Variants in PDZD2 observed in about 807,000 individuals in gnomAD.
The protein encoded by PDZD2 is PDZ domain containing 2.
A neutral mutation model predicts 220.7 loss-of-function variants in PDZD2; 90 were observed. That is an observed-to-expected ratio of 0.41 (90% CI 0.34 to 0.49). The LOEUF (loss-of-function observed/expected upper bound fraction) is 0.49. Ranked by LOEUF, PDZD2 falls within the 20% of genes least tolerant of loss-of-function variation. PDZD2 has a pLI of 0.28. For missense variants in PDZD2, 3,174 were observed against 3,608.5 expected (o/e 0.88, Z 3.08); for synonymous variants, 1,375 against 1,450.5 (o/e 0.95, Z 1.18).
At chr5:32,020,117 G>A (rs980067847) in intron 6 of PDZD2, among the ~76,000 whole-genome samples, 2 of 150,840 alleles carry the variant, frequency 1.3e-5, no homozygotes, top group African/African-American at 4.9e-5. Flanking sequence ...ACCCAGACTG[G>A]AGTACAGTGG....
chr5:31,840,392 T>C (rs1757194177), intron 2 of PDZD2: 1 of 121,776 alleles, frequency 8.2e-6, no homozygotes, highest in Non-Finnish European at 1.7e-5. Context: ...AGTAGTCATT[T>C]TCATTATATA....
intron 2 of PDZD2, among the ~76,000 whole-genome samples, chr5:31,849,972 A>AC (rs1757884471): frequency 2.9e-5 from 1 of 34,920 alleles, no homozygotes; most frequent in South Asian, 8.5e-4. Context: ...ACACATATAT[A>AC]TATATACATA....
chr5:32,069,785 C>A, intron 15 of PDZD2, 135 bp downstream of exon 15: 2 of 611,228 alleles, frequency 3.3e-6, no homozygotes, highest in South Asian at 2.0e-5. Flanking sequence ...CAAAGACAGT[C>A]TATGCTTTCT....
rs146790239 is a variant in PDZD2, at chr5:31,799,527, C to T, written c.279C>T (p.Phe93=). The T allele has an allele frequency of 7.9e-5, 128 of 1,613,934 alleles. No individual in the cohort carries two copies. The highest frequency in any genetic ancestry group is 3.1e-4 in the East Asian group (14 of 44,886). Residue 93 remains phenylalanine (F), a synonymous_variant, in exon 2 of 25, where the codon TTC becomes TTT. Transcript: ENST00000438447. ...TGAGTTTTGGGAACATCCCTGTTTT[C>T]GGGGACTATGGTGAAAAGCGCAGGG... ...VGLSFGNIPV[F]GDYGEKRRGG...
intron 2 of PDZD2, among the ~76,000 whole-genome samples, chr5:31,981,869 A>T (rs1473643133): frequency 6.6e-6 from 1 of 152,050 alleles, no homozygotes; most frequent in East Asian, 1.9e-4. Context: ...AGCTTTGATG[A>T]TCCGGTCCCG....
At chr5:31,818,145 G>A (rs906781526) in intron 2 of PDZD2, among the ~76,000 whole-genome samples, 10 of 149,952 alleles carry the variant, frequency 6.7e-5, no homozygotes, top group African/African-American at 2.5e-5. Context: ...AATGTTTTGT[G>A]TTTTTTTTTA....
intron 2 of PDZD2, among the ~76,000 whole-genome samples, chr5:31,880,846 G>A (rs568352616): frequency 8.5e-6 from 1 of 117,888 alleles, no homozygotes; most frequent in Admixed American, 1.2e-4. Context: ...TTGTCACCCA[G>A]GCTGGAGTGC....
In PDZD2 at chr5:32,089,688, C is replaced by T. The variant is rs1238061166; in HGVS notation, c.6240C>T (p.Ala2080=). The change falls in exon 20 of 25, where the codon GCC becomes GCT. Residue 2080 remains alanine (A), a synonymous_variant. Coordinates refer to ENST00000438447, the MANE Select transcript of PDZD2 (RefSeq NM_178140.4). ...GCGAAAAAGGAGGCAACATAATGGC[C>T]AGCGATCGCCTCGAAAGAACAAACC... is the stretch of plus-strand genomic sequence containing the variant. ...PTGEKGGNIM[A]SDRLERTNQL... is the part of the protein sequence containing the mutation. 8 of 1,614,080 alleles carry T rather than the reference C, an allele frequency of 5.0e-6. No homozygotes were observed. Among genetic ancestry groups the T allele is most frequent in the Non-Finnish European group, 6.8e-6 (8 of 1,180,042 alleles).
chr5:31,898,808 C>T (rs368277202), intron 2 of PDZD2, among the ~76,000 whole-genome samples: 9 of 123,462 alleles, frequency 7.3e-5, no homozygotes, highest in Non-Finnish European at 1.2e-4. Context: ...AGCCTCTCTT[C>T]TTTTTTTTTT....
chr5:31,672,417 G>A (rs879666757), intron 1 of PDZD2, among the ~76,000 whole-genome samples: 4 of 152,176 alleles, frequency 2.6e-5, no homozygotes, highest in Non-Finnish European at 5.9e-5. Context: ...GCCAGTGTGG[G>A]ATTTGGCCAG....
At chr5:32,044,796 G>A (rs1195854349) in intron 7 of PDZD2, among the ~76,000 whole-genome samples, 2 of 152,186 alleles carry the variant, frequency 1.3e-5, no homozygotes, top group Non-Finnish European at 2.9e-5. Context: ...GAAGAGGACA[G>A]ATCTCTCCTT....
chr5:31,792,013 C>A (rs1201913987), intron 1 of PDZD2, among the ~76,000 whole-genome samples: 1 of 152,206 alleles, frequency 6.6e-6, no homozygotes, highest in East Asian at 1.9e-4. Context: ...TGTAACCCTA[C>A]CCAACAATTT....
At chr5:32,060,698 C>T (rs917706708) in intron 13 of PDZD2, among the ~76,000 whole-genome samples, 4 of 150,474 alleles carry the variant, frequency 2.7e-5, no homozygotes, top group Admixed American at 6.6e-5. Flanking sequence ...TTGTACAGTG[C>T]CTGGCATATA....
chr5:31,648,663 A>AT (rs539510883), intron 1 of PDZD2, among the ~76,000 whole-genome samples: 2 of 150,064 alleles, frequency 1.3e-5, no homozygotes, highest in South Asian at 2.1e-4. Flanking sequence ...GGGGTCTTTT[A>AT]TTTTTTTAAG....
At chr5:31,941,687 T>C (rs772459820) in intron 2 of PDZD2, among the ~76,000 whole-genome samples, 22 of 152,340 alleles carry the variant, frequency 1.4e-4, no homozygotes, top group Non-Finnish European at 2.8e-4. Context: ...ATCCAAACTT[T>C]GTGTGATGAA....
At chr5:31,931,968 C>T (rs1417396865) in intron 2 of PDZD2, among the ~76,000 whole-genome samples, 1 of 152,076 alleles carries the variant, frequency 6.6e-6, no homozygotes, top group Non-Finnish European at 1.5e-5. Flanking sequence ...GGAGCTGCCT[C>T]CCCAAATTTG....
At chr5:31,903,150 CGGGCGTGGTACTGCATGCCTGTAA>C (rs1477021177) in intron 2 of PDZD2, among the ~76,000 whole-genome samples, 1 of 151,632 alleles carries the variant, frequency 6.6e-6, no homozygotes, top group Non-Finnish European at 1.5e-5. Flanking sequence ...AAAAATTAGC[CGGGCGTGGTACTGCATGCCTGTAA>C]TCCCGTCTAC....
intron 6 of PDZD2, among the ~76,000 whole-genome samples, chr5:32,031,207 A>C (rs1755085190): frequency 1.3e-5 from 2 of 152,156 alleles, no homozygotes; most frequent in Non-Finnish European, 2.9e-5. Context: ...ACCCTTTAAG[A>C]TAGGAACCGT....
At chr5:31,668,405 T>C (rs942040906) in intron 1 of PDZD2, among the ~76,000 whole-genome samples, 1 of 152,242 alleles carries the variant, frequency 6.6e-6, no homozygotes, top group African/African-American at 2.4e-5. Flanking sequence ...TTCTGACTTT[T>C]CTGCAGAGAA....
Sources: gnomAD v4.1 joint callset for allele counts (sites outside exome capture counted in the v4.1 genomes callset) on GRCh38, gnomAD v4.1.1 for gene constraint, MANE v1.5 for transcripts, NCBI Gene and HGNC (gene_info 2026-07-23, HGNC 2026-07-21) for gene names.